The following IFRD1 variants were observed in gnomAD, a reference collection of about 807,000 sequenced individuals.
IFRD1 encodes the protein interferon-related developmental regulator 1.
A neutral mutation model predicts 52.9 loss-of-function variants in IFRD1; 35 were observed. The observed-to-expected ratio is 0.66, with a 90% confidence interval of 0.51 to 0.88. IFRD1 has a LOEUF of 0.88. Ranked by LOEUF, IFRD1 falls within the 40% of genes least tolerant of loss-of-function variation. The pLI, the probability that IFRD1 is intolerant of heterozygous loss-of-function variation, is 0.00. For missense variants in IFRD1, 517 were observed against 550.8 expected (o/e 0.94, Z 0.61); for synonymous variants, 184 against 188.4 (o/e 0.98, Z 0.19).
In IFRD1 at chr7:112,455,772, A is replaced by G. The variant is rs1795275933; in HGVS notation, c.104A>G (p.His35Arg). Residue 35 changes from histidine (H) to arginine (R), a missense_variant, in exon 2 of 12, where the codon CAT becomes CGT. By Grantham distance (29) the His-to-Arg change is conservative (BLOSUM62 0). Coordinates refer to ENST00000403825, the MANE Select transcript of IFRD1 (RefSeq NM_001550.4). ...CTCTTTTACCTAATAGGTGGCCAGC[A>G]TCGAAATGTTCAGCCTTTTAGTGAT... ...AATAATAGGQ[H>R]RNVQPFSDED... 1.2e-6 allele frequency: 2 copies of G among 1,608,138 alleles called. No individual in the cohort carries two copies. Among genetic ancestry groups the G allele is most frequent in the Non-Finnish European group, 8.5e-7 (1 of 1,174,620 alleles).
chr7:112,470,858 C>T (rs1391128371), intron 9 of IFRD1, among the ~76,000 whole-genome samples: 1 of 152,190 alleles, frequency 6.6e-6, no homozygotes, highest in East Asian at 1.9e-4. Flanking sequence ...ATAGTCTATA[C>T]ATGTTCAGTA....
At chr7:112,450,831 G>C in intron 1 of IFRD1, 49 bp downstream of exon 1, 2 of 1,316,168 alleles carry the variant, frequency 1.5e-6, no homozygotes, top group Non-Finnish European at 2.2e-6. Flanking sequence ...CCAGGCTGGC[G>C]AGTCTTCCAT....
At chr7:112,459,110 T>C (rs1234346362) in intron 5 of IFRD1, 92 bp downstream of exon 5, 2 of 1,090,790 alleles carry the variant, frequency 1.8e-6, no homozygotes, top group East Asian at 2.4e-5. Flanking sequence ...CTCAAGAGGC[T>C]GAGGCAAGAG....
At chr7:112,433,254 GT>G (rs1471588247) in intron 1 of IFRD1, among the ~76,000 whole-genome samples, 1 of 152,200 alleles carries the variant, frequency 6.6e-6, no homozygotes, top group Non-Finnish European at 1.5e-5. Context: ...AGGGATCAGG[GT>G]TTTTAAGGAC....
intron 1 of IFRD1, among the ~76,000 whole-genome samples, chr7:112,443,924 C>CA (rs1213859214): frequency 1.4e-5 from 2 of 144,076 alleles, no homozygotes; most frequent in African/African-American, 2.6e-5. Flanking sequence ...AAAACAAAAA[C>CA]AAAAAAACAA....
rs571837115 is a variant in IFRD1 at position 112,454,338 on chromosome 7, G to A, written c.95-1425G>A. Among the ~76,000 whole-genome samples the A allele has an allele frequency of 4.6e-5, 7 of 152,032 alleles. No homozygotes were observed. The East Asian group carries it at 5.8e-4, about 13-fold the overall frequency. The stretch of plus-strand genomic sequence containing the variant: ...CTCCCAATTAGCTGGGATTACAAGC[G>A]CCTGCCACCAGGGCCAGCTAATTTT... On this transcript the variant is annotated intron_variant, in intron 1 of 11. Transcript: ENST00000403825.
Position 112,457,014 on chromosome 7 carries a change from A to G in IFRD1, c.385A>G (p.Ser129Gly), listed in dbSNP as rs1260190798. ...GGAAAGGAGAATGACTTTAACTGAT[A>G]GCATTGAACGCTGCCTGAAAAAAGG... ...ILERRMTLTD[S>G]IERCLKKGKS... Residue 129 changes from serine (S) to glycine (G), a missense_variant, in exon 4 of 12, where the codon AGC (serine) becomes GGC (glycine). Coordinates refer to ENST00000403825, the MANE Select transcript of IFRD1 (RefSeq NM_001550.4). The G allele has an allele frequency of 2.5e-6, 4 of 1,613,982 alleles. 1 individual carries two copies. The Admixed American group carries it at 6.7e-5, about 27-fold the overall frequency.
upstream of IFRD1, among the ~76,000 whole-genome samples, chr7:112,448,733 G>A (rs1429981730): frequency 6.6e-6 from 1 of 152,206 alleles, no homozygotes; most frequent in Non-Finnish European, 1.5e-5. Flanking sequence ...GTGCCATTAG[G>A]GCATTATTAG....
At chr7:112,474,164 G>A (rs939465219) in intron 11 of IFRD1, among the ~76,000 whole-genome samples, 2 of 152,068 alleles carry the variant, frequency 1.3e-5, no homozygotes. Context: ...TGGACATTTG[G>A]GCTGTTTGCA....
chr7:112,444,825 T>C (rs887221376), intron 1 of IFRD1, among the ~76,000 whole-genome samples: 3 of 151,440 alleles, frequency 2.0e-5, no homozygotes, highest in Middle Eastern at 3.4e-3. Context: ...GGGGAAAGAG[T>C]TGAAAAACTA....
chr7:112,439,823 T>G (rs759504251), intron 1 of IFRD1, among the ~76,000 whole-genome samples: 11 of 152,152 alleles, frequency 7.2e-5, no homozygotes, highest in Non-Finnish European at 1.2e-4. Flanking sequence ...AGGAATCGAT[T>G]ATGACCCAAC....
chr7:112,457,925 T>C (rs1031419384), intron 4 of IFRD1: 1 of 152,200 alleles, frequency 6.6e-6, no homozygotes, highest in Non-Finnish European at 1.5e-5. Context: ...AAAATTTTGT[T>C]GTAAGTGAAA....
chr7:112,452,840 T>G (rs1795198515), intron 1 of IFRD1, among the ~76,000 whole-genome samples: 1 of 152,234 alleles, frequency 6.6e-6, no homozygotes, highest in Admixed American at 6.5e-5. Flanking sequence ...TGGAAAATAA[T>G]TCTTTGATTA....
chr7:112,450,603 G>T lies in IFRD1; in HGVS notation c.-86G>T, dbSNP rs375699494. On this transcript the variant is annotated 5_prime_UTR_variant, in exon 1 of 12. Coordinates refer to ENST00000403825, the MANE Select transcript of IFRD1 (RefSeq NM_001550.4). The stretch of plus-strand genomic sequence containing the variant: ...CCGAAGACTCGCCTCTCAGCCGCCC[G>T]CCGCACAGACGCACGAGTAAAAAGT... 55 of 1,081,768 alleles carry T rather than the reference G, an allele frequency of 5.1e-5. 1 individual carries two copies. The highest frequency in any genetic ancestry group is 3.4e-4 in the African/African-American group (22 of 64,306). 67.0% of individuals were successfully genotyped at this position (1,081,768 alleles called of 1,614,324 possible). A position where few individuals can be genotyped will look rare whatever the true frequency, so the allele number is the denominator to read the frequency against.
At chr7:112,446,594 C>A (rs762514365), upstream of IFRD1, among the ~76,000 whole-genome samples, 2 of 152,000 alleles carry the variant, frequency 1.3e-5, no homozygotes, top group Non-Finnish European at 2.9e-5. Flanking sequence ...GGTGAGGATG[C>A]GACCTTAGAA....
chr7:112,460,408 C>G (rs1164720769), intron 5 of IFRD1, among the ~76,000 whole-genome samples: 2 of 151,926 alleles, frequency 1.3e-5, no homozygotes, highest in African/African-American at 4.8e-5. Context: ...CCATGTCTGG[C>G]TCGCTTTTAA....
At chr7:112,424,091 C>A (rs1015164778) in intron 1 of IFRD1, among the ~76,000 whole-genome samples, 5 of 151,868 alleles carry the variant, frequency 3.3e-5, no homozygotes, top group African/African-American at 1.2e-4. Flanking sequence ...AAAGTAGGGG[C>A]TTTTAAAGGG....
At chr7:112,427,905 AG>A (rs1215963499) in intron 1 of IFRD1, among the ~76,000 whole-genome samples, 1 of 152,206 alleles carries the variant, frequency 6.6e-6, no homozygotes, top group East Asian at 1.9e-4. Context: ...AGCTATAAAC[AG>A]GTCCTTTTAA....
chr7:112,429,554 T>C (rs562733273), intron 1 of IFRD1, among the ~76,000 whole-genome samples: 144 of 152,294 alleles, frequency 9.5e-4, no homozygotes, highest in African/African-American at 3.2e-3. Flanking sequence ...GATAAATGGC[T>C]TCTAAGGATT....
Sources: allele counts gnomAD v4.1 joint callset (sites outside exome capture counted in the v4.1 genomes callset), GRCh38; gene constraint gnomAD v4.1.1; transcripts MANE v1.5; gene names NCBI Gene and HGNC (gene_info 2026-07-23, HGNC 2026-07-21).